Variants in CDH18 observed in about 807,000 individuals in gnomAD.
CDH18 encodes cadherin-18.
In CDH18, 31 loss-of-function variants were observed where a neutral mutation model predicts 67.9. The ratio of observed to expected loss-of-function variants is 0.46; its 90% CI spans 0.34 to 0.62. The LOEUF is 0.62. Among genes scored for constraint, CDH18 ranks in the 20% least tolerant of loss-of-function variants. The pLI, the probability that CDH18 is intolerant of heterozygous loss-of-function variation, is 0.01. For missense variants in CDH18, 890 were observed against 975.5 expected, an observed-to-expected ratio of 0.91 and a Z score of 1.17; for synonymous variants, 362 against 347.2, an observed-to-expected ratio of 1.04 and a Z score of -0.48.
intron 2 of CDH18, among the ~76,000 whole-genome samples, chr5:19,949,811 A>G (rs1457703218): frequency 6.6e-6 from 1 of 152,016 alleles, no homozygotes; most frequent in Non-Finnish European, 1.5e-5. Context: ...TTGACCTACA[A>G]TTTGATGCAG....
intron 1 of CDH18, among the ~76,000 whole-genome samples, chr5:20,326,116 A>G (rs1738552408): frequency 6.6e-6 from 1 of 152,174 alleles, no homozygotes; most frequent in Middle Eastern, 3.2e-3. Flanking sequence ...TTTAATAACC[A>G]TCTAAAATCT....
intron 8 of CDH18, among the ~76,000 whole-genome samples, chr5:19,552,582 A>T (rs1737654152): frequency 6.6e-6 from 1 of 152,180 alleles, no homozygotes; most frequent in Non-Finnish European, 1.5e-5. Context: ...CATGTTCACT[A>T]TATTATGTGT....
At chr5:20,346,704 A>G (rs551429058) in intron 1 of CDH18, among the ~76,000 whole-genome samples, 1 of 152,074 alleles carries the variant, frequency 6.6e-6, no homozygotes. Context: ...GTCCCTTCCC[A>G]TTAAGAACGT....
At chr5:19,640,075 G>A (rs2150220773) in intron 5 of CDH18, among the ~76,000 whole-genome samples, 1 of 152,220 alleles carries the variant, frequency 6.6e-6, no homozygotes, top group African/African-American at 2.4e-5. Flanking sequence ...AGAAATTGAG[G>A]TAGTTTATCA....
chr5:20,204,337 G>T (rs149582784), intron 2 of CDH18, among the ~76,000 whole-genome samples: 1,681 of 151,218 alleles, frequency 0.011, 31 homozygotes, highest in African/African-American at 0.039. Flanking sequence ...GAAGCAGAAT[G>T]ACATTTTAAA....
intron 12 of CDH18, among the ~76,000 whole-genome samples, chr5:19,480,536 C>T (rs1739247399): frequency 6.6e-6 from 1 of 151,706 alleles, no homozygotes; most frequent in African/African-American, 2.4e-5. Context: ...CGCCACCAAG[C>T]CCGACTAATT....
In CDH18 at chr5:20,119,261, G is replaced by A. The variant is rs538475809; in HGVS notation, c.-517-127247C>T. On this transcript the variant is annotated intron_variant, in intron 2 of 14. Coordinates refer to the CDH18 transcript ENST00000507958. ...GTTCTTCCCTCAGAACAAAATTTGG[G>A]GTAAAAATATGGCTTTCTATTCCAC... is the stretch of plus-strand genomic sequence containing the variant. Among the ~76,000 whole-genome samples the A allele has an allele frequency of 5.9e-5, 9 of 152,102 alleles. No homozygotes were observed. The South Asian group carries it at 1.5e-3, about 25-fold the overall frequency.
intron 3 of CDH18, among the ~76,000 whole-genome samples, chr5:19,749,789 G>T (rs1243844856): frequency 2.0e-5 from 3 of 150,856 alleles, no homozygotes; most frequent in Admixed American, 6.6e-5. Flanking sequence ...GACTCCACAT[G>T]TATAACATTA....
intron 4 of CDH18, among the ~76,000 whole-genome samples, chr5:19,724,200 G>C (rs1232139591): frequency 6.6e-6 from 1 of 151,676 alleles, no homozygotes; most frequent in Non-Finnish European, 1.5e-5. Context: ...ATAGACTATG[G>C]GTACATGCAA....
chr5:19,501,245 A>G (rs983098645), intron 11 of CDH18, among the ~76,000 whole-genome samples: 7 of 148,410 alleles, frequency 4.7e-5, no homozygotes, highest in African/African-American at 1.7e-4. Flanking sequence ...TTATATATAT[A>G]TAATTTTAAT....
chr5:19,563,856 C>A (rs945907650), intron 8 of CDH18, among the ~76,000 whole-genome samples: 1 of 152,276 alleles, frequency 6.6e-6, no homozygotes, highest in East Asian at 1.9e-4. Flanking sequence ...GCTTACACAA[C>A]CCCTCCCTCA....
In CDH18 at chr5:19,747,227, T is replaced by G; in HGVS notation, c.238A>C (p.Asn80His). The change falls in exon 4 of 13, where the codon AAT becomes CAT. Residue 80 changes from asparagine to histidine, a missense_variant. Asn to His is a moderately conservative substitution (Grantham distance 68). Transcript: ENST00000382275. ...ACAGATCCATCACCTTTGTCAGAAT[T>G]GGAGTGCAGCTGTGAAATACACATG... is the stretch of plus-strand genomic sequence containing the variant. ...DPQYVGKLHS[N>H]SDKGDGSVKY... 1 of 1,612,734 alleles carries G rather than the reference T, an allele frequency of 6.2e-7. No individual in the cohort carries two copies. Among genetic ancestry groups the G allele is most frequent in the Non-Finnish European group, 8.5e-7 (1 of 1,178,900 alleles).
chr5:19,824,285 C>T (rs758027279), intron 3 of CDH18, among the ~76,000 whole-genome samples: 36 of 152,076 alleles, frequency 2.4e-4, no homozygotes, highest in African/African-American at 6.5e-4. Context: ...TGAGAAACCA[C>T]GTCGGGACCC....
At chr5:19,699,443 T>C (rs1286669887) in intron 5 of CDH18, among the ~76,000 whole-genome samples, 1 of 152,250 alleles carries the variant, frequency 6.6e-6, no homozygotes, top group South Asian at 2.1e-4. Context: ...ACTGAATGTT[T>C]GTTTCCCCAA....
intron 1 of CDH18, among the ~76,000 whole-genome samples, chr5:20,437,234 T>A (rs1030997068): frequency 3.3e-5 from 5 of 151,464 alleles, no homozygotes; most frequent in African/African-American, 1.2e-4. Context: ...TACATTGCCT[T>A]GCCTTATATA....
intron 1 of CDH18, among the ~76,000 whole-genome samples, chr5:20,337,140 C>A (rs183377800): frequency 2.2e-4 from 34 of 152,318 alleles, no homozygotes; most frequent in African/African-American, 8.2e-4. Context: ...TTAATCAATT[C>A]TACGCTATTC....
intron 1 of CDH18, among the ~76,000 whole-genome samples, chr5:20,430,999 G>T (rs1748691914): frequency 1.3e-5 from 2 of 152,090 alleles, no homozygotes; most frequent in South Asian, 4.1e-4. Context: ...ACTTGTTAAT[G>T]TAACCCGTTT....
In CDH18 at chr5:19,981,147, C is replaced by G. The variant is rs542969508; in HGVS notation, c.-344G>C. On this transcript the variant is annotated 5_prime_UTR_variant, in exon 2 of 13. Transcript: ENST00000382275. ...CTTGGGATAGATCTGTAACTGGCTC[C>G]CTGTTTCTGTTCTTGCTCCTCTTCA... 2 of 152,152 alleles carry G rather than the reference C, an allele frequency of 1.3e-5. No homozygotes were observed. The highest frequency in any genetic ancestry group is 2.9e-5 in the Non-Finnish European group (2 of 68,030). The allele number at this position is 152,152 out of a possible 1,614,324, so 9.4% of individuals were successfully genotyped here.
chr5:19,568,686 AG>A (rs1740854357), intron 8 of CDH18, among the ~76,000 whole-genome samples: 1 of 152,272 alleles, frequency 6.6e-6, no homozygotes, highest in African/African-American at 2.4e-5. Context: ...TAGGGAGAAG[AG>A]GGCTCTCTGC....
Sources: allele counts gnomAD v4.1 joint callset (sites outside exome capture counted in the v4.1 genomes callset), GRCh38; gene constraint gnomAD v4.1.1; transcripts MANE v1.5; gene names NCBI Gene and HGNC (gene_info 2026-07-23, HGNC 2026-07-21).